PSG11: variants seen among roughly 807,000 people sequenced by gnomAD.
PSG11 encodes pregnancy-specific beta-1-glycoprotein 11.
A neutral mutation model predicts 36.0 loss-of-function variants in PSG11; 42 were observed. The observed-to-expected ratio is 1.17, with a 90% CI of 0.91 to 1.51. The LOEUF (loss-of-function observed/expected upper bound fraction) is 1.51. Ranked by LOEUF, PSG11 falls within the 40% of genes most tolerant of loss-of-function variation. The probability of loss-of-function intolerance (pLI) is 0.00; values close to 1 mark genes in which losing one functional copy is unlikely to be tolerated. For missense variants in PSG11, 558 were observed against 403.5 expected (o/e 1.38, Z -3.28); for synonymous variants, 206 against 153.5 (o/e 1.34, Z -2.53).
chr19:43,024,327 C>G, intron 2 of PSG11: 1 of 335,316 alleles, frequency 3.0e-6, no homozygotes, highest in South Asian at 4.2e-5. Context: ...GGCTGAGCTT[C>G]TCTGAGAGTA....
At chr19:43,020,925 A>C (rs1479817100) in intron 2 of PSG11, among the ~76,000 whole-genome samples, 1 of 151,396 alleles carries the variant, frequency 6.6e-6, no homozygotes, top group Non-Finnish European at 1.5e-5. Flanking sequence ...CTAGAGTTTA[A>C]GTTTGTGTGA....
intron 2 of PSG11, among the ~76,000 whole-genome samples, chr19:43,023,676 A>G (rs1967161585): frequency 6.6e-6 from 1 of 150,930 alleles, no homozygotes; most frequent in Admixed American, 6.6e-5. Context: ...CTGGTGGAGG[A>G]GAGGATGGGC....
intron 5 of PSG11, 93 bp downstream of exon 5, chr19:43,009,865 C>G (rs578139297): frequency 1.1e-4 from 107 of 993,950 alleles, no homozygotes; most frequent in African/African-American, 4.9e-4. Context: ...AGGAGGAGAT[C>G]CAGGCCCAGA....
chr19:43,018,730 G>A (rs375544149), intron 3 of PSG11, 40 bp downstream of exon 3: 8 of 1,611,972 alleles, frequency 5.0e-6, no homozygotes, highest in African/African-American at 1.3e-5. Context: ...TGTGTATTTG[G>A]GATGGCAGCC....
chr19:43,010,473 T>A, intron 4 of PSG11: 2 of 1,150,688 alleles, frequency 1.7e-6, no homozygotes, highest in South Asian at 3.0e-5. Context: ...ATTCACCACC[T>A]CCTTTGCACA....
rs1967031265 is a variant in PSG11, at chr19:43,018,836, A to T, written c.643T>A (p.Tyr215Asn). 6.2e-7 allele frequency: 1 copy of T among 1,612,070 alleles called. No individual in the cohort carries two copies. The highest frequency in any genetic ancestry group is 8.5e-7 in the Non-Finnish European group (1 of 1,179,062). Residue 215 changes from tyrosine to asparagine, a missense_variant, in exon 3 of 6, where the codon TAT becomes AAT. By Grantham distance (143) the Tyr-to-Asn change is moderately radical (BLOSUM62 -2). Coordinates refer to ENST00000320078, the MANE Select transcript of PSG11 (RefSeq NM_002785.3). ...FGVTKYTAGP[Y>N]ECEIWNSGSA... ...CCTGAGTTCCATATTTCACATTCAT[A>T]GGGTCCTGCAGTATACTTTGTGACA... is the stretch of plus-strand genomic sequence containing the variant.
intron 4 of PSG11, chr19:43,014,842 T>G: frequency 1.5e-6 from 2 of 1,326,744 alleles, no homozygotes; most frequent in Non-Finnish European, 2.0e-6. Context: ...TTCTTGTCCC[T>G]CTGTGAAGCC....
intron 2 of PSG11, among the ~76,000 whole-genome samples, chr19:43,021,865 G>A (rs956079236): frequency 3.3e-5 from 5 of 151,360 alleles, no homozygotes; most frequent in South Asian, 2.1e-4. Flanking sequence ...CTGCAGGCCT[G>A]TCCAGCCTCT....
rs1245405123 is a variant in PSG11, at chr19:43,015,653, CG to C, written c.710-284del. 7.9e-6 allele frequency: 12 copies of C among 1,528,024 alleles called. No individual in the cohort carries two copies. In the East Asian group the frequency reaches 2.7e-4, roughly 35 times the overall value. 94.7% of individuals were successfully genotyped at this position (1,528,024 alleles called of 1,614,324 possible). ...CCAGGGCAGGGAGTCATGGCCACCT[CG>C]GATGTCCAAAAGTAAAGGTGTCTGT... On this transcript the variant is annotated intron_variant, in intron 3 of 5. Coordinates refer to ENST00000320078, the MANE Select transcript of PSG11 (RefSeq NM_002785.3).
At chr19:43,011,076 C>A (rs1321674257) in intron 4 of PSG11, among the ~76,000 whole-genome samples, 1 of 150,910 alleles carries the variant, frequency 6.6e-6, no homozygotes, top group Non-Finnish European at 1.5e-5. Flanking sequence ...TAAAAACTTT[C>A]CTGGTGTCAT....
In PSG11 at chr19:43,023,244, T is replaced by C. The variant is rs533226288; in HGVS notation, c.430+1447A>G. ...AGGGACAGGTGTGGCTAGAACCTCC[T>C]AGGATTCTGCATTCAAGATCCAGTC... is the stretch of plus-strand genomic sequence containing the variant. On this transcript the variant is annotated intron_variant, in intron 2 of 5. Transcript: ENST00000320078. 3.6e-4 allele frequency among the ~76,000 whole-genome samples: 54 copies of C among 150,410 alleles called. 2 individuals carry two copies. The highest frequency in any genetic ancestry group is 6.8e-3 in the Middle Eastern group (2 of 294).
chr19:43,016,457 C>T (rs1966969742), intron 3 of PSG11, among the ~76,000 whole-genome samples: 1 of 151,158 alleles, frequency 6.6e-6, no homozygotes, highest in Non-Finnish European at 1.5e-5. Flanking sequence ...TTCTCTGCAG[C>T]TTCCATTTCC....
In PSG11 at chr19:43,014,405, G is replaced by A; in HGVS notation, c.964+711C>T. Reference sequence around the variant, plus strand: ...CTCAGTGCTGTGTCCCACGTGCTGTGCCCACAGCCTCATACAGCCAGTGAC... The same window carrying A: ...CTCAGTGCTGTGTCCCACGTGCTGTACCCACAGCCTCATACAGCCAGTGAC... On this transcript the variant is annotated intron_variant, in intron 4 of 5. Coordinates refer to ENST00000320078, the MANE Select transcript of PSG11 (RefSeq NM_002785.3). 7.4e-6 allele frequency: 7 copies of A among 946,532 alleles called. No individual in the cohort carries two copies. In the South Asian group the frequency reaches 2.9e-4, roughly 40 times the overall value. 58.6% of individuals were successfully genotyped at this position (946,532 alleles called of 1,614,324 possible).
At chr19:43,020,036 A>T (rs1346963671) in intron 2 of PSG11, among the ~76,000 whole-genome samples, 1 of 151,212 alleles carries the variant, frequency 6.6e-6, no homozygotes, top group Non-Finnish European at 1.5e-5. Context: ...TATGTACCTG[A>T]TATCAGTGGA....
chr19:43,018,729 G>C (rs1599676022), intron 3 of PSG11, 41 bp downstream of exon 3: 1 of 1,611,914 alleles, frequency 6.2e-7, no homozygotes, highest in East Asian at 2.2e-5. Flanking sequence ...ATGTGTATTT[G>C]GGATGGCAGC....
intron 2 of PSG11, 80 bp from the exon 3 acceptor site, chr19:43,019,128 T>C: frequency 6.4e-7 from 1 of 1,561,956 alleles, no homozygotes; most frequent in Non-Finnish European, 8.7e-7. Context: ...AGAATTGGCA[T>C]TTGCCACCTC....
rs181940492 is a variant in PSG11, at chr19:43,015,085, C to T, written c.964+31G>A. The T allele has an allele frequency of 4.1e-5, 66 of 1,611,136 alleles. 2 individuals are homozygous for T. The African/African-American group carries it at 7.3e-4, about 18-fold the overall frequency. On this transcript the variant is annotated intron_variant, in intron 4 of 5. Transcript: ENST00000320078. ...AAGCTAGATAGACTCCACCTAAAAC[C>T]CTATTGCCAAGGATGCTGGGATCCA...
At chr19:43,010,480 C>G in intron 4 of PSG11, 1 of 1,093,512 alleles carries the variant, frequency 9.1e-7, no homozygotes, top group Non-Finnish European at 1.3e-6. Context: ...ACCTCCTTTG[C>G]ACAGAAAGCT....
rs138290006 is a variant in PSG11, at chr19:43,013,254, A to G, written c.964+1862T>C. 4.6e-4 allele frequency among the ~76,000 whole-genome samples: 70 copies of G among 151,664 alleles called. 2 individuals are homozygous for G. The highest frequency in any genetic ancestry group is 3.4e-3 in the Middle Eastern group (1 of 294). On this transcript the variant is annotated intron_variant, in intron 4 of 5. Transcript: ENST00000320078. ...AAAGCATAGGCAACAAATAAAATCA[A>G]TAAATCGGACTTCACAAAAATCAAA...
Sources: allele counts gnomAD v4.1 joint callset (sites outside exome capture counted in the v4.1 genomes callset), GRCh38; gene constraint gnomAD v4.1.1; transcripts MANE v1.5; gene names NCBI Gene and HGNC (gene_info 2026-07-23, HGNC 2026-07-21).